The following AIG1 variants were observed in gnomAD, a reference collection of about 807,000 sequenced individuals.
AIG1 encodes androgen-induced gene 1 protein.
In AIG1, 23 loss-of-function variants were observed where a neutral mutation model predicts 31.4. The ratio of observed to expected loss-of-function variants is 0.73; its 90% CI spans 0.53 to 1.04. The LOEUF (loss-of-function observed/expected upper bound fraction) is 1.04. AIG1 is among the 50% of genes least tolerant of loss of function. The probability of loss-of-function intolerance (pLI) is 0.00; values close to 1 mark genes in which losing one functional copy is unlikely to be tolerated. For missense variants in AIG1, 274 were observed against 295.0 expected (o/e 0.93, Z 0.52); for synonymous variants, 100 against 110.5 (o/e 0.90, Z 0.60).
intron 1 of AIG1, among the ~76,000 whole-genome samples, chr6:143,090,275 A>C (rs1452272360): frequency 3.4e-5 from 5 of 147,804 alleles, no homozygotes. Flanking sequence ...TATCTCTATC[A>C]TCTATCTATC....
At position 143,150,846 on chromosome 6, in the gene AIG1, G is replaced by A. The variant is rs76765802; in HGVS notation, c.297+13856G>A. Among the ~76,000 whole-genome samples, 794 of 152,280 alleles carry A rather than the reference G, an allele frequency of 5.2e-3. 6 individuals are homozygous for A. Among genetic ancestry groups the A allele is most frequent in the African/African-American group, 0.012 (479 of 41,556 alleles). Reference sequence around the variant, plus strand: ...AATCTTGGCACCTTCCTCAACTGCTGATACTCAAAGTTAATTAGTTTAGTA... The same window carrying A: ...AATCTTGGCACCTTCCTCAACTGCTAATACTCAAAGTTAATTAGTTTAGTA... On this transcript the variant is annotated intron_variant, in intron 2 of 5. Transcript: ENST00000357847.
chr6:143,274,914 T>C (rs4895607), intron 3 of AIG1, among the ~76,000 whole-genome samples: 22,867 of 152,238 alleles, frequency 0.15, 1,848 homozygotes, highest in East Asian at 0.36. Flanking sequence ...AAATGTCTAG[T>C]ATAAACTCAG....
At chr6:143,341,442 T>C (rs976330129), downstream of AIG1, among the ~76,000 whole-genome samples, 1 of 152,170 alleles carries the variant, frequency 6.6e-6, no homozygotes, top group African/African-American at 2.4e-5. Context: ...TGACTGTTTT[T>C]GGAGACAGGG....
intron 3 of AIG1, among the ~76,000 whole-genome samples, chr6:143,230,453 T>C (rs989458855): frequency 2.7e-5 from 4 of 150,026 alleles, no homozygotes; most frequent in Non-Finnish European, 5.9e-5. Context: ...TATTTAGTGT[T>C]TGTTGAATTA....
chr6:143,156,419 G>A (rs1406749485), intron 2 of AIG1, among the ~76,000 whole-genome samples: 2 of 152,240 alleles, frequency 1.3e-5, no homozygotes, highest in East Asian at 3.9e-4. Flanking sequence ...TGTGTAGAGT[G>A]CATTTTACAT....
At chr6:143,120,907 A>T (rs533283657) in intron 1 of AIG1, among the ~76,000 whole-genome samples, 2 of 152,322 alleles carry the variant, frequency 1.3e-5, no homozygotes, top group African/African-American at 4.8e-5. Flanking sequence ...GAGGGCAAGG[A>T]ACACCTGGCC....
At chr6:143,062,617 G>A (rs1196132669) in intron 1 of AIG1, among the ~76,000 whole-genome samples, 1 of 152,158 alleles carries the variant, frequency 6.6e-6, no homozygotes, top group African/African-American at 2.4e-5. Flanking sequence ...ATGTTGTGTA[G>A]CAGACATTTT....
chr6:143,083,015 C>G (rs561632656), intron 1 of AIG1, among the ~76,000 whole-genome samples: 30 of 152,176 alleles, frequency 2.0e-4, no homozygotes, highest in Non-Finnish European at 3.5e-4. Flanking sequence ...TTGGCAGAAG[C>G]CTGTTATGCC....
intron 2 of AIG1, among the ~76,000 whole-genome samples, chr6:143,138,031 C>T (rs1203870258): frequency 6.6e-6 from 1 of 152,164 alleles, no homozygotes; most frequent in South Asian, 2.1e-4. Context: ...TGCTTTAAGA[C>T]CAATTAGTAG....
intron 4 of AIG1, among the ~76,000 whole-genome samples, chr6:143,321,839 G>A (rs901342551): frequency 1.3e-5 from 2 of 152,206 alleles, no homozygotes; most frequent in Non-Finnish European, 2.9e-5. Context: ...CTTGCTTAGT[G>A]AGGGTGTGAT....
At chr6:143,270,285 A>G (rs9496553) in intron 3 of AIG1, among the ~76,000 whole-genome samples, 2,531 of 152,324 alleles carry the variant, frequency 0.017, 63 homozygotes, top group African/African-American at 0.059. Context: ...AGCATTGACC[A>G]CAGAATCATC....
At chr6:143,265,529 C>T (rs1477214036) in intron 3 of AIG1, among the ~76,000 whole-genome samples, 2 of 152,156 alleles carry the variant, frequency 1.3e-5, no homozygotes, top group African/African-American at 4.8e-5. Flanking sequence ...CGGTCCTCAA[C>T]TCAGATTCTC....
At position 143,149,557 on chromosome 6, in the gene AIG1, A is replaced by G. The variant is rs576138952; in HGVS notation, c.297+12567A>G. ...CAAAAAAAAAAAAAAAAAAAAAAAA[A>G]GAAAGAAAATAGGAGTTGTGTAGAA... On this transcript the variant is annotated intron_variant, in intron 2 of 5. Transcript: ENST00000357847. Among the ~76,000 whole-genome samples the G allele has an allele frequency of 8.6e-3, 1,249 of 145,670 alleles. 10 individuals are homozygous for G. Among genetic ancestry groups the G allele is most frequent in the Middle Eastern group, 0.022 (6 of 270 alleles).
chr6:143,120,833 A>G (rs1782176492), intron 1 of AIG1, among the ~76,000 whole-genome samples: 1 of 152,228 alleles, frequency 6.6e-6, no homozygotes, highest in South Asian at 2.1e-4. Context: ...AAATCTCTGC[A>G]GCACTGTGAC....
chr6:143,302,038 G>T (rs1310889094), intron 4 of AIG1, among the ~76,000 whole-genome samples: 1 of 151,936 alleles, frequency 6.6e-6, no homozygotes, highest in Non-Finnish European at 1.5e-5. Flanking sequence ...GAGACAAATA[G>T]AACTCAATGG....
At chr6:143,226,234 C>A (rs951000520) in intron 3 of AIG1, among the ~76,000 whole-genome samples, 3 of 145,746 alleles carry the variant, frequency 2.1e-5, no homozygotes, top group Non-Finnish European at 3.0e-5. Context: ...TTCTTCTTAA[C>A]TATATATATA....
chr6:143,059,562 A>C (rs1275928737), upstream of AIG1, among the ~76,000 whole-genome samples: 1 of 152,250 alleles, frequency 6.6e-6, no homozygotes, highest in Non-Finnish European at 1.5e-5. Context: ...TTTTAATGCT[A>C]GTAGAATCTT....
chr6:143,244,935 C>G (rs1382190377), intron 3 of AIG1, among the ~76,000 whole-genome samples: 1 of 152,180 alleles, frequency 6.6e-6, no homozygotes. Context: ...AATAGCTACT[C>G]TAAGAAGGAA....
intron 4 of AIG1, among the ~76,000 whole-genome samples, chr6:143,285,207 T>G (rs1797603325): frequency 6.6e-6 from 1 of 151,856 alleles, no homozygotes; most frequent in Admixed American, 6.6e-5. Context: ...TGACACACTT[T>G]GCATAAACAA....
Sources: gnomAD v4.1 joint callset for allele counts (sites outside exome capture counted in the v4.1 genomes callset) on GRCh38, gnomAD v4.1.1 for gene constraint, MANE v1.5 for transcripts, NCBI Gene and HGNC (gene_info 2026-07-23, HGNC 2026-07-21) for gene names.